KMT2E: variants seen among roughly 807,000 people sequenced by gnomAD.
KMT2E encodes lysine methyltransferase 2E (inactive), also known as histone reader KMT2E.
In KMT2E, 30 loss-of-function variants were observed where a neutral mutation model predicts 184.6. The observed-to-expected ratio is 0.16, with a 90% CI of 0.12 to 0.22. The LOEUF is 0.22. Ranked by LOEUF, KMT2E falls within the 10% of genes least tolerant of loss-of-function variation. The pLI, the probability that KMT2E is intolerant of heterozygous loss-of-function variation, is 1.00. For missense variants in KMT2E, 2,023 were observed against 2,237.4 expected, an observed-to-expected ratio of 0.90 and a Z score of 1.93; for synonymous variants, 815 against 776.5, an observed-to-expected ratio of 1.05 and a Z score of -0.82.
In KMT2E at chr7:105,074,536, T is replaced by C. The variant is rs1797451215; in HGVS notation, c.557-107T>C. 5 of 785,682 alleles carry C rather than the reference T, an allele frequency of 6.4e-6. No individual in the cohort carries two copies. In the Admixed American group the frequency reaches 9.5e-5, roughly 15 times the overall value. The allele number at this position is 785,682 out of a possible 1,614,324, so 48.7% of individuals were successfully genotyped here. A position where few individuals can be genotyped will look rare whatever the true frequency, so the allele number is the denominator to read the frequency against. ...GAGTGAACAAGTTAAAAAATGTGCT[T>C]ATTTAGAAAGATGGAGACGACAATA... is the stretch of plus-strand genomic sequence containing the variant. On this transcript the variant is annotated intron_variant, in intron 7 of 26. Transcript: ENST00000311117.
chr7:105,085,301 C>A (rs1351991203), intron 13 of KMT2E, among the ~76,000 whole-genome samples: 1 of 152,184 alleles, frequency 6.6e-6, no homozygotes, highest in Non-Finnish European at 1.5e-5. Context: ...GTAATCCAGG[C>A]ACACTGGGAG....
In KMT2E at chr7:105,053,228, A is replaced by G. The variant is rs117658513; in HGVS notation, c.72-8936A>G. Reference sequence around the variant, plus strand: ...AACTGGCAGAATTAAAATAGTGATGAGAGGGAGATTGAAATTTATTATTAA... The same window carrying G: ...AACTGGCAGAATTAAAATAGTGATGGGAGGGAGATTGAAATTTATTATTAA... On this transcript the variant is annotated intron_variant, in intron 3 of 26. Coordinates refer to ENST00000311117, the MANE Select transcript of KMT2E (RefSeq NM_182931.3). 3.0e-3 allele frequency among the ~76,000 whole-genome samples: 453 copies of G among 152,266 alleles called. 15 individuals are homozygous for G. In the East Asian group the frequency reaches 0.062, roughly 21 times the overall value.
At chr7:105,096,470 C>T (rs1466236209) in intron 15 of KMT2E, among the ~76,000 whole-genome samples, 2 of 151,918 alleles carry the variant, frequency 1.3e-5, no homozygotes, top group Admixed American at 6.6e-5. Flanking sequence ...TTTAAAAGGA[C>T]GGACATTTGA....
intron 13 of KMT2E, among the ~76,000 whole-genome samples, chr7:105,088,160 C>T (rs3213676): frequency 0.28 from 42,024 of 151,932 alleles, 8,650 homozygotes; most frequent in East Asian, 0.58. Flanking sequence ...TTTCAAATCC[C>T]GGCTTGGTCA....
At position 105,111,904 on chromosome 7, in the gene KMT2E, C is replaced by G. The variant is rs766042297; in HGVS notation, c.4148C>G (p.Thr1383Arg). The G allele has an allele frequency of 2.6e-5, 42 of 1,614,066 alleles. No homozygotes were observed. Among genetic ancestry groups the G allele is most frequent in the Non-Finnish European group, 3.3e-5 (39 of 1,180,042 alleles). The change falls in exon 27 of 27, where the codon ACA becomes AGA. Residue 1383 changes from threonine (T) to arginine (R), a missense_variant. Physicochemically the swap from Thr to Arg is moderately conservative, Grantham distance 71. Transcript: ENST00000311117. ...AAACCAGATCCCCAATGGGACTCCA[C>G]AGTTAGTGCATCCGAAGCTGAAAAT... ...FTKPDPQWDS[T>R]VSASEAENGV...
chr7:105,086,823 A>G (rs1797984129), intron 13 of KMT2E, among the ~76,000 whole-genome samples: 1 of 147,396 alleles, frequency 6.8e-6, no homozygotes, highest in African/African-American at 2.5e-5. Context: ...AAATATATAT[A>G]CCACTCCACA....
chr7:105,110,214 A>G (rs1329385929), intron 23 of KMT2E, 66 bp from the exon 24 acceptor site: 30 of 1,248,876 alleles, frequency 2.4e-5, no homozygotes, highest in Non-Finnish European at 3.4e-5. Flanking sequence ...CATGTTGACT[A>G]TGAAGCAACA....
Position 105,113,583 on chromosome 7 carries a change from A to T in KMT2E, c.*250A>T. 2.9e-6 allele frequency: 1 copy of T among 341,836 alleles called. No homozygotes were observed. Among genetic ancestry groups the T allele is most frequent in the Non-Finnish European group, 5.4e-6 (1 of 186,436 alleles). The allele number at this position is 341,836 out of a possible 1,614,324, so 21.2% of individuals were successfully genotyped here. On this transcript the variant is annotated 3_prime_UTR_variant, in exon 27 of 27. Transcript: ENST00000311117. ...TTTTTTTCTGGCAGATCTGATGCTG[A>T]TTTGATGCTGTATGATCTTTTTTTT...
intron 6 of KMT2E, among the ~76,000 whole-genome samples, chr7:105,069,374 T>G (rs906699465): frequency 6.6e-6 from 1 of 152,220 alleles, no homozygotes; most frequent in African/African-American, 2.4e-5. Context: ...ATCTCACAAT[T>G]GGTTAACTGT....
At chr7:105,085,062 A>G (rs1797909003) in intron 13 of KMT2E, among the ~76,000 whole-genome samples, 1 of 151,712 alleles carries the variant, frequency 6.6e-6, no homozygotes, top group Non-Finnish European at 1.5e-5. Context: ...TAATATTTCT[A>G]GGCTATATAG....
chr7:105,072,848 A>T (rs1427954312), intron 6 of KMT2E, among the ~76,000 whole-genome samples: 2 of 152,010 alleles, frequency 1.3e-5, no homozygotes, highest in Non-Finnish European at 2.9e-5. Flanking sequence ...CAGGAGGCAG[A>T]GGTTGCAGTG....
At chr7:105,073,471 T>A in intron 6 of KMT2E, 148 bp from the exon 7 acceptor site, 1 of 550,060 alleles carries the variant, frequency 1.8e-6, no homozygotes, top group South Asian at 2.9e-5. Context: ...TATTAGATTG[T>A]ATGTAAACTG....
At chr7:105,016,883 G>T (rs1794736638) in intron 1 of KMT2E, among the ~76,000 whole-genome samples, 1 of 152,158 alleles carries the variant, frequency 6.6e-6, no homozygotes, top group Admixed American at 6.5e-5. Flanking sequence ...AGAAATAACT[G>T]GCTCAAGGAT....
rs531127949 is a variant in KMT2E, at chr7:105,111,473, A to C, written c.4069-352A>C. Among the ~76,000 whole-genome samples the C allele has an allele frequency of 3.3e-5, 5 of 152,202 alleles. No homozygotes were observed. In the South Asian group the frequency reaches 8.3e-4, roughly 25 times the overall value. On this transcript the variant is annotated intron_variant, in intron 26 of 26. Transcript: ENST00000311117. The stretch of plus-strand genomic sequence containing the variant: ...TCCTTAGGTTGGGTATAGAAATTTC[A>C]ATTATAAAATTGAAACTTGCTATTG...
chr7:105,035,022 ATTTTTTT>A (rs981054177), intron 1 of KMT2E, among the ~76,000 whole-genome samples: 3 of 129,716 alleles, frequency 2.3e-5, no homozygotes, highest in Non-Finnish European at 5.0e-5. Context: ...CACCTGGCTA[ATTTTTTT>A]TTTTTTTTTT....
intron 26 of KMT2E, chr7:105,111,146 G>T: frequency 3.0e-6 from 1 of 329,218 alleles, no homozygotes; most frequent in Non-Finnish European, 5.5e-6. Flanking sequence ...TGGTGTCCAG[G>T]AAATTCATAG....
rs1797557093 is a variant in KMT2E at position 105,077,001 on chromosome 7, A to C, written c.807A>C (p.Ser269=). 1 of 1,613,770 alleles carries C rather than the reference A, an allele frequency of 6.2e-7. No homozygotes were observed. The highest frequency in any genetic ancestry group is 1.3e-5 in the African/African-American group (1 of 74,916). The change falls in exon 10 of 27, where the codon TCA becomes TCC. Residue 269 remains serine, a synonymous_variant. Coordinates refer to ENST00000311117, the MANE Select transcript of KMT2E (RefSeq NM_182931.3). ...APEIDPSSDG[S]NFGWETKIKA... is the part of the protein sequence containing the mutation. ...AGATTGATCCTTCATCTGATGGTTC[A>C]AATTTTGGATGGGAGACAAAGATCA...
Position 105,071,584 on chromosome 7 carries a change from A to ATG in KMT2E, c.498-2034_498-2033insGT, listed in dbSNP as rs1797300086. Among the ~76,000 whole-genome samples, 8 of 35,954 alleles carry ATG rather than the reference A, an allele frequency of 2.2e-4. No individual in the cohort carries two copies. In the South Asian group the frequency reaches 7.8e-3, roughly 35 times the overall value. 23.6% of individuals were successfully genotyped at this position (35,954 alleles called of 152,430 possible). ...TATGTATGTATGTATGTGTGTGTGT[A>ATG]TATATATATATATATATATATATAT... On this transcript the variant is annotated intron_variant, in intron 6 of 26. Coordinates refer to ENST00000311117, the MANE Select transcript of KMT2E (RefSeq NM_182931.3).
intron 15 of KMT2E, among the ~76,000 whole-genome samples, chr7:105,099,542 C>T (rs1798568258): frequency 6.6e-6 from 1 of 152,108 alleles, no homozygotes; most frequent in Non-Finnish European, 1.5e-5. Context: ...AGTTTTATCT[C>T]TGACCAAAAC....
Sources: gnomAD v4.1 joint callset for allele counts (sites outside exome capture counted in the v4.1 genomes callset) on GRCh38, gnomAD v4.1.1 for gene constraint, MANE v1.5 for transcripts, NCBI Gene and HGNC (gene_info 2026-07-23, HGNC 2026-07-21) for gene names.